Variants in ZSWIM5 observed in about 807,000 individuals in gnomAD.
ZSWIM5 encodes zinc finger SWIM-type containing 5.
Under a neutral mutation model 119.6 loss-of-function variants are expected in ZSWIM5, and 55 were observed. The ratio of observed to expected loss-of-function variants is 0.46; its 90% CI spans 0.37 to 0.58. The LOEUF is 0.58. Ranked by LOEUF, ZSWIM5 falls within the 20% of genes least tolerant of loss-of-function variation. The pLI, the probability that ZSWIM5 is intolerant of heterozygous loss-of-function variation, is 0.00. For synonymous variants in ZSWIM5, 537 were observed against 606.9 expected (o/e 0.88, Z 1.69); for missense variants, 1,193 against 1,512.8 (o/e 0.79, Z 3.51).
intron 1 of ZSWIM5, among the ~76,000 whole-genome samples, chr1:45,199,225 T>C (rs1646144097): frequency 6.6e-6 from 1 of 152,134 alleles, no homozygotes; most frequent in Admixed American, 6.5e-5. Flanking sequence ...ATACAAAGTA[T>C]GCAAACAACT....
chr1:45,160,568 G>A (rs2149041165), intron 1 of ZSWIM5, among the ~76,000 whole-genome samples: 1 of 152,020 alleles, frequency 6.6e-6, no homozygotes, highest in East Asian at 1.9e-4. Flanking sequence ...TTAATACGAT[G>A]ACCTCCAGCT....
chr1:45,125,138 GT>G (rs1231746032), intron 1 of ZSWIM5, among the ~76,000 whole-genome samples: 7 of 152,174 alleles, frequency 4.6e-5, no homozygotes, highest in Admixed American at 6.5e-5. Flanking sequence ...AATAAACATT[GT>G]TTTTCACATA....
At chr1:45,192,727 A>G (rs555666727) in intron 1 of ZSWIM5, among the ~76,000 whole-genome samples, 3 of 152,158 alleles carry the variant, frequency 2.0e-5, no homozygotes, top group Admixed American at 6.5e-5. Flanking sequence ...TTTTTTAGGA[A>G]CTGCCATACT....
intron 1 of ZSWIM5, among the ~76,000 whole-genome samples, chr1:45,141,296 A>C (rs1645725120): frequency 6.6e-6 from 1 of 152,146 alleles, no homozygotes; most frequent in Non-Finnish European, 1.5e-5. Flanking sequence ...TAGATATGCA[A>C]GTATACATCA....
At chr1:45,027,090 T>C (rs538731264) in intron 11 of ZSWIM5, among the ~76,000 whole-genome samples, 2 of 151,954 alleles carry the variant, frequency 1.3e-5, no homozygotes, top group South Asian at 4.1e-4. Context: ...ATATGAGTAA[T>C]TTAGATCTCC....
intron 5 of ZSWIM5, among the ~76,000 whole-genome samples, chr1:45,044,775 A>ATT (rs1491339090): frequency 2.7e-4 from 1 of 3,732 alleles, no homozygotes; most frequent in African/African-American, 8.2e-4. Flanking sequence ...ATATATATAT[A>ATT]AATATATATA....
At chr1:45,170,155 A>C (rs1384795002) in intron 1 of ZSWIM5, among the ~76,000 whole-genome samples, 1 of 152,118 alleles carries the variant, frequency 6.6e-6, no homozygotes, top group African/African-American at 2.4e-5. Flanking sequence ...GAATAATGTC[A>C]AGGTGGACTT....
intron 1 of ZSWIM5, among the ~76,000 whole-genome samples, chr1:45,145,393 T>C (rs1307103683): frequency 6.7e-6 from 1 of 150,182 alleles, no homozygotes; most frequent in African/African-American, 2.4e-5. Flanking sequence ...GCTCCATTCA[T>C]AACTGCCAAA....
intron 1 of ZSWIM5, among the ~76,000 whole-genome samples, chr1:45,116,534 C>T (rs1184843788): frequency 6.6e-6 from 1 of 152,102 alleles, no homozygotes; most frequent in African/African-American, 2.4e-5. Flanking sequence ...CAAAACCAAA[C>T]CACTTCCTGC....
chr1:45,149,338 C>G (rs1174908749), intron 1 of ZSWIM5, among the ~76,000 whole-genome samples: 6 of 152,168 alleles, frequency 3.9e-5, no homozygotes, highest in Non-Finnish European at 8.8e-5. Context: ...ATAGTAAGTA[C>G]TAACTGAAAA....
chr1:45,050,056 T>C (rs1645080426), intron 5 of ZSWIM5, among the ~76,000 whole-genome samples: 2 of 151,962 alleles, frequency 1.3e-5, no homozygotes, highest in Middle Eastern at 3.2e-3. Context: ...ATAGAGTTAT[T>C]TGAAATAAAA....
In ZSWIM5 at chr1:45,019,785, A is replaced by C. The variant is rs540827130; in HGVS notation, c.2695+281T>G. On this transcript the variant is annotated intron_variant, in intron 13 of 13. Coordinates refer to ENST00000359600, the MANE Select transcript of ZSWIM5 (RefSeq NM_020883.2). This position sits in a 1 kb window ranked among gnomAD's most constrained non-coding sequence, Gnocchi z 5.0. ...TGGGCCCACTACCTCCCAAGGGAGCACTTGAGTAGCAACTGAAAATTCATT... is the reference window on the plus strand; with the variant it reads ...TGGGCCCACTACCTCCCAAGGGAGCCCTTGAGTAGCAACTGAAAATTCATT... Among the ~76,000 whole-genome samples, 2 of 152,274 alleles carry C rather than the reference A, an allele frequency of 1.3e-5. No individual in the cohort carries two copies. Among genetic ancestry groups the C allele is most frequent in the Admixed American group, 1.3e-4 (2 of 15,296 alleles).
chr1:45,029,673 A>T (rs977511534), intron 11 of ZSWIM5, among the ~76,000 whole-genome samples: 28 of 152,192 alleles, frequency 1.8e-4, no homozygotes, highest in Non-Finnish European at 4.4e-5. Context: ...TAGGTATCTC[A>T]TGTAAGTCAA....
chr1:45,190,926 A>ATTTTT (rs1557794312), intron 1 of ZSWIM5, among the ~76,000 whole-genome samples: 10 of 72,200 alleles, frequency 1.4e-4, no homozygotes, highest in African/African-American at 5.7e-4. Context: ...AAATAGCTGG[A>ATTTTT]ATTTTTTTTT....
chr1:45,130,934 T>C (rs1020634858), intron 1 of ZSWIM5, among the ~76,000 whole-genome samples: 1 of 152,168 alleles, frequency 6.6e-6, no homozygotes, highest in Non-Finnish European at 1.5e-5. Context: ...AACAGCACCA[T>C]GCAACTTAAA....
chr1:45,205,911 G>A lies in ZSWIM5; in HGVS notation c.440C>T (p.Ala147Val), dbSNP rs1646186453. The change falls in exon 1 of 14, where the codon GCT becomes GTT. Residue 147 changes from alanine (A) to valine (V), a missense_variant. By Grantham distance (64) the Ala-to-Val change is moderately conservative. Coordinates refer to ENST00000359600, the MANE Select transcript of ZSWIM5 (RefSeq NM_020883.2). ...EGPQPPPGAAAPAGSAPGGVA... is the reference protein window; with the variant it reads ...EGPQPPPGAAVPAGSAPGGVA... ...GCCCCCGGGGGCGGAGCCGGCCGGA[G>A]CGGCGGCCCCGGGGGGTGGCTGCGG... 1 of 1,057,448 alleles carries A rather than the reference G, an allele frequency of 9.5e-7. No homozygotes were observed. The highest frequency in any genetic ancestry group is 1.1e-6 in the Non-Finnish European group (1 of 878,626). 65.5% of individuals were successfully genotyped at this position (1,057,448 alleles called of 1,614,324 possible).
intron 2 of ZSWIM5, among the ~76,000 whole-genome samples, chr1:45,081,953 A>T (rs1224956164): frequency 2.6e-5 from 4 of 151,472 alleles, no homozygotes; most frequent in Admixed American, 6.6e-5. Context: ...AGAAGTAGAC[A>T]TGGGAGACTT....
chr1:45,165,561 G>T (rs1645896180), intron 1 of ZSWIM5, among the ~76,000 whole-genome samples: 1 of 152,024 alleles, frequency 6.6e-6, no homozygotes, highest in Admixed American at 6.6e-5. Context: ...AAAATTGATA[G>T]ACCACTAGCA....
chr1:45,100,476 A>C (rs1283764279), intron 1 of ZSWIM5, among the ~76,000 whole-genome samples: 2 of 152,252 alleles, frequency 1.3e-5, no homozygotes, highest in Admixed American at 1.3e-4. Flanking sequence ...CATACTGCCC[A>C]AAGTAATTTA....
Sources: gnomAD v4.1 joint callset for allele counts (sites outside exome capture counted in the v4.1 genomes callset) on GRCh38, gnomAD v4.1.1 for gene constraint, Gnocchi (gnomAD v3.1) non-coding constraint, MANE v1.5 for transcripts, NCBI Gene and HGNC (gene_info 2026-07-23, HGNC 2026-07-21) for gene names.